The following CACNA1D variants were observed in gnomAD, a reference collection of about 807,000 sequenced individuals.
The protein encoded by CACNA1D is calcium voltage-gated channel subunit alpha1 D.
A neutral mutation model predicts 257.1 loss-of-function variants in CACNA1D; 55 were observed. That is an observed-to-expected ratio of 0.21 (90% CI 0.17 to 0.27). The LOEUF (loss-of-function observed/expected upper bound fraction) is 0.27, where lower values mean the gene tolerates loss of function less well. CACNA1D is among the 10% of genes least tolerant of loss of function. CACNA1D has a pLI of 1.00. For missense variants in CACNA1D, 1,876 were observed against 2,784.0 expected (o/e 0.67, Z 7.34); for synonymous variants, 980 against 1,014.9 (o/e 0.97, Z 0.65).
intron 3 of CACNA1D, among the ~76,000 whole-genome samples, chr3:53,554,948 A>T (rs2092609938): frequency 6.6e-6 from 1 of 152,236 alleles, no homozygotes; most frequent in Non-Finnish European, 1.5e-5. Flanking sequence ...CATTGACTTA[A>T]TCAGAAACAA....
intron 3 of CACNA1D, among the ~76,000 whole-genome samples, chr3:53,566,511 G>A (rs906964011): frequency 2.6e-5 from 4 of 152,106 alleles, no homozygotes; most frequent in East Asian, 1.9e-4. Context: ...TTCCTACATG[G>A]CACCTGACAC....
In CACNA1D at chr3:53,529,222, A is replaced by T. The variant is rs368201021; in HGVS notation, c.483+27502A>T. On this transcript the variant is annotated intron_variant, in intron 3 of 47. Transcript: ENST00000350061. Reference sequence around the variant, plus strand: ...TCCTGAGAGTTTTTATTATGAAAGGATGTTGAATTTTGTCAAATGTCTTTT... The same window carrying T: ...TCCTGAGAGTTTTTATTATGAAAGGTTGTTGAATTTTGTCAAATGTCTTTT... 4.6e-5 allele frequency among the ~76,000 whole-genome samples: 7 copies of T among 152,262 alleles called. No individual in the cohort carries two copies. In the South Asian group the frequency reaches 1.2e-3, roughly 27 times the overall value.
intron 3 of CACNA1D, among the ~76,000 whole-genome samples, chr3:53,635,391 G>A (rs2093870904): frequency 6.6e-6 from 1 of 152,244 alleles, no homozygotes; most frequent in South Asian, 2.1e-4. Context: ...GCTGGTGGGT[G>A]GGTTGTCATT....
chr3:53,740,669 T>C (rs1464893072), intron 21 of CACNA1D, among the ~76,000 whole-genome samples: 2 of 152,156 alleles, frequency 1.3e-5, no homozygotes, highest in Non-Finnish European at 2.9e-5. Flanking sequence ...TTTTGCTCTT[T>C]TTAACCTTTG....
At chr3:53,566,323 T>C (rs2092835406) in intron 3 of CACNA1D, among the ~76,000 whole-genome samples, 6 of 152,094 alleles carry the variant, frequency 3.9e-5, no homozygotes, top group African/African-American at 1.4e-4. Context: ...CAGGCACCCT[T>C]TCACCCCAAG....
rs1173280975 is a variant in CACNA1D, at chr3:53,501,570, G to A, written c.378-45G>A. 5 of 1,006,156 alleles carry A rather than the reference G, an allele frequency of 5.0e-6. No homozygotes were observed. In the African/African-American group the frequency reaches 7.9e-5, roughly 16 times the overall value. The allele number at this position is 1,006,156 out of a possible 1,614,324, so 62.3% of individuals were successfully genotyped here. A position where few individuals can be genotyped will look rare whatever the true frequency, so the allele number is the denominator to read the frequency against. The stretch of plus-strand genomic sequence containing the variant: ...GATCGGGAGTGTGATGAGGGACATG[G>A]TTTATGTTTCCATAACACATATATA... On this transcript the variant is annotated intron_variant, in intron 2 of 47. Coordinates refer to ENST00000350061, the MANE Select transcript of CACNA1D (RefSeq NM_001128840.3).
intron 3 of CACNA1D, among the ~76,000 whole-genome samples, chr3:53,572,405 T>TATGTTTTAGAGATTGGGTC (rs1559859660): frequency 4.1e-5 from 6 of 145,896 alleles, no homozygotes; most frequent in Non-Finnish European, 9.1e-5. Context: ...TTTATTTATT[T>TATGTTTTAGAGATTGGGTC]ATTTATGTTT....
chr3:53,677,990 A>G (rs1054247311), intron 8 of CACNA1D, among the ~76,000 whole-genome samples: 9 of 152,188 alleles, frequency 5.9e-5, no homozygotes, highest in African/African-American at 2.2e-4. Context: ...TATTGAAATT[A>G]TGACAGTTCA....
chr3:53,787,117 C>T (rs1049510077), intron 40 of CACNA1D, among the ~76,000 whole-genome samples, 165 bp downstream of exon 40: 2 of 152,164 alleles, frequency 1.3e-5, no homozygotes, highest in Non-Finnish European at 1.5e-5. Context: ...TTCTGGGCCA[C>T]AAGGTAAGTG....
chr3:53,562,866 A>G (rs569104004), intron 3 of CACNA1D, among the ~76,000 whole-genome samples: 12 of 152,326 alleles, frequency 7.9e-5, no homozygotes, highest in Admixed American at 7.2e-4. Context: ...ATAACCCTGG[A>G]AAGTAGATGC....
intron 9 of CACNA1D, among the ~76,000 whole-genome samples, chr3:53,717,778 C>G (rs545876788): frequency 6.6e-6 from 1 of 152,270 alleles, no homozygotes; most frequent in Admixed American, 6.5e-5. Flanking sequence ...AAATAGAGTT[C>G]TTAACTCTAA....
intron 8 of CACNA1D, among the ~76,000 whole-genome samples, chr3:53,690,364 T>C (rs1341820376): frequency 2.0e-5 from 3 of 152,246 alleles, no homozygotes; most frequent in African/African-American, 7.2e-5. Flanking sequence ...AACAATGGGA[T>C]ACAGAGGCTT....
chr3:53,671,386 G>T (rs534548827), intron 7 of CACNA1D, among the ~76,000 whole-genome samples: 1 of 152,208 alleles, frequency 6.6e-6, no homozygotes, highest in Non-Finnish European at 1.5e-5. Flanking sequence ...CAACACAGAG[G>T]GAAACAAGCC....
In CACNA1D at chr3:53,812,268, T is replaced by C. The variant is rs1010335932; in HGVS notation, c.*862T>C. On this transcript the variant is annotated 3_prime_UTR_variant, in exon 48 of 48. Coordinates refer to ENST00000350061, the MANE Select transcript of CACNA1D (RefSeq NM_001128840.3). The stretch of plus-strand genomic sequence containing the variant: ...AGCAATATCCATGGGTCCTAATAAT[T>C]GTAGTTCCCCACTAAAATCTAGAAA... The C allele has an allele frequency of 1.3e-5, 2 of 152,232 alleles. No individual in the cohort carries two copies. Among genetic ancestry groups the C allele is most frequent in the African/African-American group, 4.8e-5 (2 of 41,470 alleles). The allele number at this position is 152,232 out of a possible 1,614,324, so 9.4% of individuals were successfully genotyped here. A position where few individuals can be genotyped will look rare whatever the true frequency, so the allele number is the denominator to read the frequency against.
At chr3:53,591,689 A>G (rs1308779033) in intron 3 of CACNA1D, among the ~76,000 whole-genome samples, 1 of 152,238 alleles carries the variant, frequency 6.6e-6, no homozygotes, top group Non-Finnish European at 1.5e-5. Flanking sequence ...TTCTAAGATT[A>G]TAAACTACAG....
intron 7 of CACNA1D, among the ~76,000 whole-genome samples, 196 bp downstream of exon 7, chr3:53,666,731 G>T (rs558451004): frequency 4.1e-4 from 62 of 152,288 alleles, no homozygotes; most frequent in African/African-American, 1.4e-3. Flanking sequence ...GCAGGAAGCT[G>T]CTGCGCGATG....
At chr3:53,730,345 C>T in intron 15 of CACNA1D, 97 bp from the exon 16 acceptor site, 1 of 811,680 alleles carries the variant, frequency 1.2e-6, no homozygotes, top group Non-Finnish European at 2.2e-6. Flanking sequence ...TCACTTACTA[C>T]CAGCTTCCCG....
chr3:53,544,470 C>G (rs1176710727), intron 3 of CACNA1D, among the ~76,000 whole-genome samples: 1 of 151,876 alleles, frequency 6.6e-6, no homozygotes, highest in African/African-American at 2.4e-5. Context: ...CTGCAAATCT[C>G]AGGGAGAAAG....
At chr3:53,521,488 G>C (rs1178682200) in intron 3 of CACNA1D, among the ~76,000 whole-genome samples, 1 of 152,230 alleles carries the variant, frequency 6.6e-6, no homozygotes, top group Admixed American at 6.5e-5. Context: ...GAGGCACTGT[G>C]ATCAGAGAGG....
Sources: allele counts gnomAD v4.1 joint callset (sites outside exome capture counted in the v4.1 genomes callset), GRCh38; gene constraint gnomAD v4.1.1; transcripts MANE v1.5; gene names NCBI Gene and HGNC (gene_info 2026-07-23, HGNC 2026-07-21).